IMMT: variants seen among roughly 807,000 people sequenced by gnomAD.
IMMT encodes the protein MICOS complex subunit MIC60.
IMMT carries 40 observed loss-of-function variants against 92.7 expected under a neutral mutation model. That is an observed-to-expected ratio of 0.43 (90% CI 0.34 to 0.56). The LOEUF is 0.56. Among genes scored for constraint, IMMT ranks in the 20% least tolerant of loss-of-function variants. IMMT has a pLI of 0.03. For synonymous variants in IMMT, 322 were observed against 336.1 expected (o/e 0.96, Z 0.46); for missense variants, 831 against 912.1 (o/e 0.91, Z 1.14).
At position 86,187,009 on chromosome 2, in the gene IMMT, T is replaced by C. The variant is rs575993766; in HGVS notation, c.46-5637A>G. The stretch of plus-strand genomic sequence containing the variant: ...ATACTTCCGGCCATCTGCAAATACC[T>C]GGTGGCAGGTATTTTTTTTTTCCTC... On this transcript the variant is annotated intron_variant, in intron 1 of 14. Coordinates refer to ENST00000410111, the MANE Select transcript of IMMT (RefSeq NM_006839.3). Among the ~76,000 whole-genome samples the C allele has an allele frequency of 3.9e-5, 6 of 152,276 alleles. No homozygotes were observed. In the East Asian group the frequency reaches 1.2e-3, roughly 29 times the overall value.
intron 11 of IMMT, among the ~76,000 whole-genome samples, chr2:86,153,078 A>G (rs1382429436): frequency 1.3e-5 from 2 of 152,308 alleles, no homozygotes; most frequent in East Asian, 3.9e-4. Flanking sequence ...AGGTGTGATA[A>G]TAGTATGGTG....
intron 14 of IMMT, among the ~76,000 whole-genome samples, chr2:86,145,837 T>C (rs1278632370): frequency 6.6e-6 from 1 of 152,200 alleles, no homozygotes; most frequent in African/African-American, 2.4e-5. Flanking sequence ...AGCCAAAGGA[T>C]ACTGGGTAAA....
In IMMT at chr2:86,195,441, G is replaced by A; in HGVS notation, c.-59C>T. On this transcript the variant is annotated 5_prime_UTR_variant, in exon 1 of 15. Transcript: ENST00000410111. ...GAGCTGCCGCGGCGGCGCGAGTTAA[G>A]TGGAGGCGTGCTTGCGTGTGTGCGT... 1 of 1,527,700 alleles carries A rather than the reference G, an allele frequency of 6.5e-7. No homozygotes were observed. The highest frequency in any genetic ancestry group is 8.8e-7 in the Non-Finnish European group (1 of 1,133,372). 94.6% of individuals were successfully genotyped at this position (1,527,700 alleles called of 1,614,324 possible). A position where few individuals can be genotyped will look rare whatever the true frequency, so the allele number is the denominator to read the frequency against.
At chr2:86,175,863 G>T (rs1182285305) in intron 3 of IMMT, among the ~76,000 whole-genome samples, 1 of 152,144 alleles carries the variant, frequency 6.6e-6, no homozygotes, top group East Asian at 1.9e-4. Flanking sequence ...CTGGGTAGGA[G>T]ACCATCCTGA....
At position 86,170,767 on chromosome 2, in the gene IMMT, C is replaced by T. The variant is rs1251236111; in HGVS notation, c.637G>A (p.Glu213Lys). ...AARLAQQEKQEQVKIESLAKS... is the reference protein window; with the variant it reads ...AARLAQQEKQKQVKIESLAKS... Reference sequence around the variant, plus strand: ...TACATACACTCAATTTTAACTTGTTCTTGTTTTTCCTGTTGTGCAAGGCGA... The same window carrying T: ...TACATACACTCAATTTTAACTTGTTTTTGTTTTTCCTGTTGTGCAAGGCGA... Residue 213 changes from glutamate to lysine, a missense_variant, in exon 6 of 15, where the codon GAA (glutamate) becomes AAA (lysine). By Grantham distance (56) the Glu-to-Lys change is moderately conservative. Transcript: ENST00000410111. The T allele has an allele frequency of 1.3e-6, 2 of 1,580,756 alleles. No individual in the cohort carries two copies. Among genetic ancestry groups the T allele is most frequent in the Non-Finnish European group, 1.7e-6 (2 of 1,161,470 alleles).
chr2:86,194,603 A>G (rs1308993197), intron 1 of IMMT, among the ~76,000 whole-genome samples: 2 of 152,132 alleles, frequency 1.3e-5, no homozygotes, highest in African/African-American at 4.8e-5. Flanking sequence ...AGGCTTTTTA[A>G]TTTTCAATTT....
At chr2:86,172,823 A>G (rs1447831277) in intron 4 of IMMT, among the ~76,000 whole-genome samples, 1 of 152,096 alleles carries the variant, frequency 6.6e-6, no homozygotes, top group South Asian at 2.1e-4. Flanking sequence ...ACCCTTTTAC[A>G]TGACTTACCC....
intron 8 of IMMT, among the ~76,000 whole-genome samples, chr2:86,161,326 TA>T (rs1676257440): frequency 6.6e-6 from 1 of 151,494 alleles, no homozygotes; most frequent in East Asian, 2.0e-4. Flanking sequence ...CACGCCTGGC[TA>T]ACATTTTCAT....
intron 3 of IMMT, among the ~76,000 whole-genome samples, chr2:86,178,554 A>G (rs1410291857): frequency 6.6e-6 from 1 of 151,184 alleles, no homozygotes; most frequent in Non-Finnish European, 1.5e-5. Context: ...TGAACCCAGG[A>G]GGCGGAAGTT....
chr2:86,176,946 C>CAA (rs1677470158), intron 3 of IMMT, among the ~76,000 whole-genome samples: 1 of 152,132 alleles, frequency 6.6e-6, no homozygotes. Flanking sequence ...TATGAAGCTG[C>CAA]AAAATTATCT....
At position 86,166,534 on chromosome 2, in the gene IMMT, A is replaced by G. The variant is rs1222480355; in HGVS notation, c.766T>C (p.Leu256=). ...TCAGAATTGTCCATGGCGGCTTTCA[A>G]TATGTTGGAGTGTGCATTGACAGCC... The part of the protein sequence containing the change: ...VQAVNAHSNI[L]KAAMDNSEIA... Residue 256 remains leucine (L), a synonymous_variant, in exon 7 of 15, where the codon TTG becomes CTG. Transcript: ENST00000410111. 5.6e-6 allele frequency: 9 copies of G among 1,612,416 alleles called. No homozygotes were observed. The highest frequency in any genetic ancestry group is 4.5e-5 in the East Asian group (2 of 44,856).
At chr2:86,164,980 C>T (rs1573908768) in intron 7 of IMMT, among the ~76,000 whole-genome samples, 1 of 152,226 alleles carries the variant, frequency 6.6e-6, no homozygotes, top group Non-Finnish European at 1.5e-5. Flanking sequence ...GCTTCTTGTA[C>T]TAGAAAAAAC....
intron 7 of IMMT, among the ~76,000 whole-genome samples, chr2:86,162,322 G>C (rs537335642): frequency 6.8e-6 from 1 of 146,964 alleles, no homozygotes; most frequent in African/African-American, 2.6e-5. Flanking sequence ...AGCCATATAA[G>C]CATTTTCTAA....
At chr2:86,183,120 G>A (rs1672542583) in intron 1 of IMMT, among the ~76,000 whole-genome samples, 1 of 152,096 alleles carries the variant, frequency 6.6e-6, no homozygotes, top group South Asian at 2.1e-4. Flanking sequence ...ATTTAAGGTT[G>A]CATTTTTTAT....
In IMMT at chr2:86,170,346, G is replaced by C. The variant is rs371560144; in HGVS notation, c.655+403C>G. Among the ~76,000 whole-genome samples, 6 of 152,318 alleles carry C rather than the reference G, an allele frequency of 3.9e-5. No homozygotes were observed. In the South Asian group the frequency reaches 1.0e-3, roughly 26 times the overall value. On this transcript the variant is annotated intron_variant, in intron 6 of 14. Transcript: ENST00000410111. ...AGGTGGGAGGATGGCTTTGGCCTGG[G>C]AGGTTGAGGCTGCAGTGAGCCATGA...
chr2:86,147,633 A>G (rs1675119523), intron 13 of IMMT, 69 bp downstream of exon 13: 1 of 1,481,418 alleles, frequency 6.8e-7, no homozygotes, highest in Middle Eastern at 2.1e-4. Flanking sequence ...AGAGTACATT[A>G]AAAGGAAAGG....
intron 7 of IMMT, among the ~76,000 whole-genome samples, chr2:86,162,532 T>C (rs1040541489): frequency 6.6e-6 from 1 of 151,344 alleles, no homozygotes; most frequent in East Asian, 1.9e-4. Flanking sequence ...TCTTACGGTA[T>C]GTGAAATGTG....
chr2:86,180,865 C>A (rs372986010), intron 2 of IMMT, among the ~76,000 whole-genome samples: 6 of 150,842 alleles, frequency 4.0e-5, no homozygotes, highest in African/African-American at 1.5e-4. Context: ...CCAGCCTGGG[C>A]AACAGAGCGA....
rs1481623571 is a variant in IMMT, at chr2:86,158,571, C to G, written c.1162+21G>C. 6 of 1,548,814 alleles carry G rather than the reference C, an allele frequency of 3.9e-6. No individual in the cohort carries two copies. In the Admixed American group the frequency reaches 9.3e-5, roughly 24 times the overall value. On this transcript the variant is annotated intron_variant, in intron 10 of 14. Transcript: ENST00000410111. The stretch of plus-strand genomic sequence containing the variant: ...AGTGGTTAAAACATCAAAAAAAAAA[C>G]ATTACTTCAGTTGTACTCACTCATT...
Sources: allele counts gnomAD v4.1 joint callset (sites outside exome capture counted in the v4.1 genomes callset), GRCh38; gene constraint gnomAD v4.1.1; transcripts MANE v1.5; gene names NCBI Gene and HGNC (gene_info 2026-07-23, HGNC 2026-07-21).